AR: variants seen among roughly 807,000 people sequenced by gnomAD.
AR encodes the protein dihydrotestosterone receptor.
Under a neutral mutation model 53.9 loss-of-function variants are expected in AR, and 8 were observed. That is an observed-to-expected ratio of 0.15 (90% CI 0.09 to 0.27). The LOEUF (loss-of-function observed/expected upper bound fraction) is 0.27, where lower values mean the gene tolerates loss of function less well. Among genes scored for constraint, AR ranks in the 10% least tolerant of loss-of-function variants. The pLI is 1.00. For synonymous variants in AR, 359 were observed against 316.4 expected, an observed-to-expected ratio of 1.13 and a Z score of -1.43; for missense variants, 639 against 742.5, an observed-to-expected ratio of 0.86 and a Z score of 1.62.
chrX:67,608,881 T>A lies in AR; in HGVS notation c.1617-34375T>A, dbSNP rs768867041. Among the ~76,000 whole-genome samples, 44 of 111,873 alleles carry A rather than the reference T, an allele frequency of 3.9e-4. No individual in the cohort carries two copies. The Admixed American group carries it at 4.2e-3, about 11-fold the overall frequency. ...CTTTGACATAAAATATTGTATTTTT[T>A]AAATTTTAATTGCTTCTTGGCATAC... On this transcript the variant is annotated intron_variant, in intron 1 of 7. Transcript: ENST00000374690.
At chrX:67,640,477 A>T (rs894349852) in intron 1 of AR, among the ~76,000 whole-genome samples, 3 of 111,344 alleles carry the variant, frequency 2.7e-5, no homozygotes, top group African/African-American at 9.8e-5. Flanking sequence ...TAGGCTATTA[A>T]TTACTTCCTC....
At chrX:67,670,345 T>G (rs1241802662) in intron 2 of AR, among the ~76,000 whole-genome samples, 1 of 97,025 alleles carries the variant, frequency 1.0e-5, no homozygotes, top group Non-Finnish European at 2.0e-5. Flanking sequence ...AAAATAATAA[T>G]TGTTCTTATT....
intron 1 of AR, among the ~76,000 whole-genome samples, chrX:67,550,543 A>T (rs765791136): frequency 1.8e-4 from 20 of 110,369 alleles, no homozygotes; most frequent in Admixed American, 1.6e-3. Flanking sequence ...TGGTGATATC[A>T]AGATCACCAG....
chrX:67,707,932 G>T (rs1284282932), intron 3 of AR, among the ~76,000 whole-genome samples: 1 of 111,776 alleles, frequency 8.9e-6, no homozygotes, highest in Non-Finnish European at 1.9e-5. Context: ...GAAATTCTGG[G>T]TTGAAAATTC....
rs145634269 is a variant in AR at position 67,663,704 on chromosome X, A to G, written c.1768+20297A>G. ...TAGATTGGGGAAGTTGTCCTGGATA[A>G]TATCCTACAGAGTGTTTTCCAACTT... is the stretch of plus-strand genomic sequence containing the variant. On this transcript the variant is annotated intron_variant, in intron 2 of 7. Transcript: ENST00000374690. Among the ~76,000 whole-genome samples, 856 of 112,250 alleles carry G rather than the reference A, an allele frequency of 7.6e-3. 6 individuals are homozygous for G. The highest frequency in any genetic ancestry group is 0.027 in the African/African-American group (821 of 30,886).
chrX:67,582,823 G>T (rs1229523412), intron 1 of AR, among the ~76,000 whole-genome samples: 3 of 111,538 alleles, frequency 2.7e-5, no homozygotes, highest in African/African-American at 9.8e-5. Flanking sequence ...CGTATCCATC[G>T]CAATACTTCC....
intron 2 of AR, among the ~76,000 whole-genome samples, chrX:67,660,314 G>A (rs572731137): frequency 3.6e-5 from 4 of 111,488 alleles, no homozygotes; most frequent in East Asian, 2.8e-4. Flanking sequence ...ATGGTATTGC[G>A]TAGGTTTTCT....
chrX:67,596,907 C>T (rs1003342837), intron 1 of AR, among the ~76,000 whole-genome samples: 5 of 111,681 alleles, frequency 4.5e-5, no homozygotes, highest in Non-Finnish European at 9.4e-5. Context: ...ATATGCTGAA[C>T]GTTTTTCTAT....
chrX:67,608,791 A>G (rs1923747040), intron 1 of AR, among the ~76,000 whole-genome samples: 1 of 111,844 alleles, frequency 8.9e-6, no homozygotes, highest in Non-Finnish European at 1.9e-5. Context: ...ATGTGTTTTT[A>G]TATATTGTTT....
chrX:67,549,727 A>G (rs1380475700), intron 1 of AR, among the ~76,000 whole-genome samples: 2 of 112,191 alleles, frequency 1.8e-5, no homozygotes, highest in African/African-American at 6.5e-5. Flanking sequence ...GTTTAGAGAA[A>G]TTATCCAGAT....
intron 2 of AR, among the ~76,000 whole-genome samples, chrX:67,651,584 A>G (rs1001147114): frequency 8.9e-6 from 1 of 111,831 alleles, no homozygotes; most frequent in Non-Finnish European, 1.9e-5. Flanking sequence ...CAACATAGAA[A>G]CCAAGTACTA....
chrX:67,714,641 A>G (rs907203266), intron 4 of AR, among the ~76,000 whole-genome samples: 4 of 112,290 alleles, frequency 3.6e-5, no homozygotes, highest in African/African-American at 1.3e-4. Flanking sequence ...CAGAGTCTCA[A>G]AGAAACTGCT....
intron 1 of AR, among the ~76,000 whole-genome samples, chrX:67,581,038 A>G (rs1278118619): frequency 8.9e-6 from 1 of 112,034 alleles, no homozygotes; most frequent in Non-Finnish European, 1.9e-5. Flanking sequence ...CTTTAAAACA[A>G]TGACAAGGCA....
chrX:67,580,930 G>T (rs1922268093), intron 1 of AR, among the ~76,000 whole-genome samples: 1 of 111,743 alleles, frequency 8.9e-6, no homozygotes, highest in Non-Finnish European at 1.9e-5. Flanking sequence ...TTTGTTGAAT[G>T]AATAAGTCAT....
chrX:67,724,822 G>A lies in AR; in HGVS notation c.*981G>A, dbSNP rs2076151752. 1 of 173,189 alleles carries A rather than the reference G, an allele frequency of 5.8e-6. No homozygotes were observed. The highest frequency in any genetic ancestry group is 1.1e-5 in the Non-Finnish European group (1 of 91,348). 14.3% of individuals were successfully genotyped at this position (173,189 alleles called of 1,213,427 possible). A position where few individuals can be genotyped will look rare whatever the true frequency, so the allele number is the denominator to read the frequency against. ...ATGTTCTCTTCAGCCAAAACTTGGC[G>A]ACTTCCACAGAAAAGTCTGACCACT... is the stretch of plus-strand genomic sequence containing the variant. On this transcript the variant is annotated 3_prime_UTR_variant, in exon 8 of 8. Transcript: ENST00000374690.
Position 67,546,163 on chromosome X carries a change from T to C in AR, c.1017T>C (p.Leu339=), listed in dbSNP as rs979157286. 1 of 1,211,942 alleles carries C rather than the reference T, an allele frequency of 8.3e-7. No homozygotes were observed. Among genetic ancestry groups the C allele is most frequent in the African/African-American group, 1.7e-5 (1 of 57,920 alleles). ...CTGCAGCAGGGAGCTCCGGGACACT[T>C]GAACTGCCGTCTACCCTGTCTCTCT... ...GSAAAGSSGT[L]ELPSTLSLYK... Residue 339 remains leucine (L), a synonymous_variant, in exon 1 of 8, where the codon CTT becomes CTC. Coordinates refer to ENST00000374690, the MANE Select transcript of AR (RefSeq NM_000044.6).
chrX:67,659,353 G>A (rs1926753685), intron 2 of AR, among the ~76,000 whole-genome samples: 1 of 110,519 alleles, frequency 9.0e-6, no homozygotes, highest in Non-Finnish European at 1.9e-5. Flanking sequence ...ATCTCCTAAT[G>A]CTATCCTTCC....
At chrX:67,587,161 G>C (rs1160648377) in intron 1 of AR, among the ~76,000 whole-genome samples, 2 of 112,191 alleles carry the variant, frequency 1.8e-5, no homozygotes, top group Non-Finnish European at 3.8e-5. Flanking sequence ...GTTGAACCCA[G>C]ATCTTCCTAG....
intron 1 of AR, among the ~76,000 whole-genome samples, chrX:67,626,436 C>CTTTTTTTTTTT (rs1233324601): frequency 4.3e-5 from 2 of 46,808 alleles, no homozygotes; most frequent in African/African-American, 7.3e-5. Flanking sequence ...CAGGCTCTCT[C>CTTTTTTTTTTT]TTTTTTTTTT....
Sources: gnomAD v4.1 joint callset for allele counts (sites outside exome capture counted in the v4.1 genomes callset) on GRCh38, gnomAD v4.1.1 for gene constraint, MANE v1.5 for transcripts, NCBI Gene and HGNC (gene_info 2026-07-23, HGNC 2026-07-21) for gene names.